VEGFC: variants seen among roughly 807,000 people sequenced by gnomAD.
VEGFC encodes the protein vascular endothelial growth factor C.
Under a neutral mutation model 46.1 loss-of-function variants are expected in VEGFC, and 12 were observed. The ratio of observed to expected loss-of-function variants is 0.26; its 90% CI spans 0.17 to 0.42. The LOEUF is 0.42. Among genes scored for constraint, VEGFC ranks in the 10% least tolerant of loss-of-function variants. The pLI is 1.00. For missense variants in VEGFC, 488 were observed against 529.4 expected (o/e 0.92, Z 0.77); for synonymous variants, 232 against 195.5 (o/e 1.19, Z -1.56).
intron 4 of VEGFC, among the ~76,000 whole-genome samples, chr4:176,694,838 C>CAG (rs1483929370): frequency 1.4e-5 from 2 of 146,060 alleles, no homozygotes; most frequent in East Asian, 3.9e-4. Context: ...CTCAAAACTG[C>CAG]TCAACTACAT....
Position 176,732,693 on chromosome 4 carries a change from A to C in VEGFC, c.148-2947T>G, listed in dbSNP as rs569878836. ...AGATAACATATGGAGAGAAGAAAGA[A>C]AACACATTCATTGAAAAAAAAAAAC... On this transcript the variant is annotated intron_variant, in intron 1 of 6. Transcript: ENST00000618562. Among the ~76,000 whole-genome samples, 4 of 151,738 alleles carry C rather than the reference A, an allele frequency of 2.6e-5. No homozygotes were observed. The East Asian group carries it at 7.8e-4, about 29-fold the overall frequency.
intron 1 of VEGFC, among the ~76,000 whole-genome samples, chr4:176,768,648 A>C (rs948677372): frequency 4.0e-5 from 6 of 151,706 alleles, no homozygotes; most frequent in African/African-American, 7.3e-5. Flanking sequence ...TTTGGTATGC[A>C]AATTACCCAA....
At chr4:176,729,437 T>A in intron 2 of VEGFC, 96 bp downstream of exon 2, 1 of 995,970 alleles carries the variant, frequency 1.0e-6, no homozygotes, top group Non-Finnish European at 1.4e-6. Flanking sequence ...TAAAGGTGTA[T>A]TCGGTGATAC....
At chr4:176,747,467 A>G (rs1323169339) in intron 1 of VEGFC, among the ~76,000 whole-genome samples, 2 of 152,080 alleles carry the variant, frequency 1.3e-5, no homozygotes, top group African/African-American at 4.8e-5. Context: ...AGAAGGTAAG[A>G]TTAGGCTTCT....
intron 4 of VEGFC, among the ~76,000 whole-genome samples, chr4:176,694,236 T>C (rs1428027647): frequency 6.7e-6 from 1 of 150,076 alleles, no homozygotes; most frequent in Non-Finnish European, 1.5e-5. Flanking sequence ...AGGAAACCCA[T>C]CTCACGTGCA....
intron 1 of VEGFC, among the ~76,000 whole-genome samples, chr4:176,789,929 G>T (rs1254724164): frequency 1.3e-5 from 2 of 151,930 alleles, no homozygotes. Context: ...GCATCTATTG[G>T]GATTATAGAT....
At chr4:176,755,477 G>A (rs111486033) in intron 1 of VEGFC, among the ~76,000 whole-genome samples, 9 of 151,956 alleles carry the variant, frequency 5.9e-5, no homozygotes, top group African/African-American at 1.9e-4. Flanking sequence ...TACCCATAAC[G>A]ATAGCTCGCT....
At position 176,711,840 on chromosome 4, in the gene VEGFC, G is replaced by A. The variant is rs1275000205; in HGVS notation, c.553-190C>T. On this transcript the variant is annotated intron_variant, in intron 3 of 6. Coordinates refer to ENST00000618562, the MANE Select transcript of VEGFC (RefSeq NM_005429.5). ...CTCCTAACCAGTATCTTTTATCAGA[G>A]TAATAAATACTCCATATGTTTATCT... 2.0e-5 allele frequency among the ~76,000 whole-genome samples: 3 copies of A among 152,056 alleles called. No homozygotes were observed. The East Asian group carries it at 5.8e-4, about 29-fold the overall frequency.
At chr4:176,694,041 A>C (rs1266604448) in intron 4 of VEGFC, among the ~76,000 whole-genome samples, 1 of 151,700 alleles carries the variant, frequency 6.6e-6, no homozygotes, top group Non-Finnish European at 1.5e-5. Flanking sequence ...AAATGTAAAG[A>C]CCATCGAGAC....
At chr4:176,688,351 T>C (rs946672090) in intron 4 of VEGFC, among the ~76,000 whole-genome samples, 4 of 152,210 alleles carry the variant, frequency 2.6e-5, no homozygotes, top group Admixed American at 2.6e-4. Context: ...ACAAAAGATG[T>C]ACCATTATTT....
At chr4:176,701,112 G>A (rs908800133) in intron 4 of VEGFC, among the ~76,000 whole-genome samples, 2 of 152,152 alleles carry the variant, frequency 1.3e-5, no homozygotes, top group Admixed American at 6.6e-5. Flanking sequence ...TTTAGTTAAC[G>A]ATCACATGTC....
intron 3 of VEGFC, among the ~76,000 whole-genome samples, chr4:176,716,421 A>G (rs1579102772): frequency 6.6e-6 from 1 of 151,772 alleles, no homozygotes; most frequent in Admixed American, 6.6e-5. Flanking sequence ...TACTAAAAAT[A>G]CTAAAATTAG....
At chr4:176,779,073 A>G (rs1364370302) in intron 1 of VEGFC, among the ~76,000 whole-genome samples, 1 of 152,170 alleles carries the variant, frequency 6.6e-6, no homozygotes. Context: ...AATATAGTCT[A>G]TGTACTAAGT....
At chr4:176,761,490 A>G (rs1202661032) in intron 1 of VEGFC, among the ~76,000 whole-genome samples, 3 of 152,226 alleles carry the variant, frequency 2.0e-5, no homozygotes, top group African/African-American at 7.2e-5. Flanking sequence ...TGAATACTAC[A>G]TTAAGGACAA....
intron 1 of VEGFC, among the ~76,000 whole-genome samples, chr4:176,760,628 C>T (rs1735512764): frequency 6.6e-6 from 1 of 152,184 alleles, no homozygotes; most frequent in African/African-American, 2.4e-5. Context: ...AACACTCCCC[C>T]TCACATATCT....
intron 4 of VEGFC, among the ~76,000 whole-genome samples, chr4:176,700,030 G>A (rs1268950449): frequency 6.6e-6 from 1 of 152,296 alleles, no homozygotes; most frequent in South Asian, 2.1e-4. Flanking sequence ...GGAAAAGATG[G>A]TGAGTAGGAT....
At chr4:176,754,963 G>A (rs1352081326) in intron 1 of VEGFC, among the ~76,000 whole-genome samples, 2 of 151,986 alleles carry the variant, frequency 1.3e-5, no homozygotes, top group African/African-American at 2.4e-5. Context: ...GATTGTCACA[G>A]GGTCTGCACC....
intron 1 of VEGFC, among the ~76,000 whole-genome samples, chr4:176,783,954 A>G (rs1453333222): frequency 6.6e-6 from 1 of 151,910 alleles, no homozygotes; most frequent in Non-Finnish European, 1.5e-5. Context: ...TACATGCTAT[A>G]TTCTTTGTTT....
chr4:176,732,438 G>C (rs1734983852), intron 1 of VEGFC, among the ~76,000 whole-genome samples: 1 of 151,842 alleles, frequency 6.6e-6, no homozygotes, highest in Admixed American at 6.6e-5. Flanking sequence ...ATTTTAATCT[G>C]GGGGTCTCTT....
Sources: allele counts gnomAD v4.1 joint callset (sites outside exome capture counted in the v4.1 genomes callset), GRCh38; gene constraint gnomAD v4.1.1; transcripts MANE v1.5; gene names NCBI Gene and HGNC (gene_info 2026-07-23, HGNC 2026-07-21).